Variants in ATXN7L1 observed in about 807,000 individuals in gnomAD.
ATXN7L1 encodes the protein ataxin 7 like 1, also known as ataxin-7-like protein 1.
Under a neutral mutation model 70.8 loss-of-function variants are expected in ATXN7L1, and 15 were observed. That is an observed-to-expected ratio of 0.21 (90% CI 0.14 to 0.33). ATXN7L1 has a LOEUF of 0.33. Among genes scored for constraint, ATXN7L1 ranks in the 10% least tolerant of loss-of-function variants. The probability of loss-of-function intolerance (pLI) is 1.00; values close to 1 mark genes in which losing one functional copy is unlikely to be tolerated. For missense variants in ATXN7L1, 975 were observed against 1,097.1 expected (o/e 0.89, Z 1.57); for synonymous variants, 440 against 445.1 (o/e 0.99, Z 0.14).
intron 2 of ATXN7L1, among the ~76,000 whole-genome samples, chr7:105,845,131 G>A (rs1174037800): frequency 6.8e-6 from 1 of 147,690 alleles, no homozygotes. Flanking sequence ...CTTGAACCTG[G>A]GAGGCGGAGG....
chr7:105,650,568 T>C (rs1799682801), intron 4 of ATXN7L1, among the ~76,000 whole-genome samples: 1 of 152,014 alleles, frequency 6.6e-6, no homozygotes, highest in Non-Finnish European at 1.5e-5. Flanking sequence ...ACCAGGTGAG[T>C]GGTCCTGGCA....
chr7:105,655,275 C>T (rs1333800591), intron 4 of ATXN7L1, among the ~76,000 whole-genome samples: 2 of 152,306 alleles, frequency 1.3e-5, no homozygotes, highest in East Asian at 1.9e-4. Flanking sequence ...TGCCCCCAGC[C>T]GCAGCCCCCA....
chr7:105,845,459 G>C (rs1196397540), intron 2 of ATXN7L1, among the ~76,000 whole-genome samples: 1 of 130,810 alleles, frequency 7.6e-6, no homozygotes, highest in Non-Finnish European at 1.7e-5. Flanking sequence ...TGCTAAGATG[G>C]TTTGCATTCT....
At chr7:105,785,433 TACAGTCTGGATG>T (rs1240304089) in intron 3 of ATXN7L1, among the ~76,000 whole-genome samples, 2 of 152,006 alleles carry the variant, frequency 1.3e-5, no homozygotes, top group Non-Finnish European at 2.9e-5. Context: ...ACCACTGCAC[TACAGTCTGGATG>T]ACAGTCTGAC....
At chr7:105,752,834 C>T (rs1358282494) in intron 3 of ATXN7L1, among the ~76,000 whole-genome samples, 3 of 152,268 alleles carry the variant, frequency 2.0e-5, no homozygotes, top group Non-Finnish European at 2.9e-5. Context: ...ACACAGTGGC[C>T]GCACCCTGAA....
At chr7:105,662,487 T>C (rs540919559) in intron 4 of ATXN7L1, among the ~76,000 whole-genome samples, 5 of 152,228 alleles carry the variant, frequency 3.3e-5, no homozygotes, top group Admixed American at 6.5e-5. Context: ...TTGGACTGGA[T>C]TGAGTGTGGA....
chr7:105,665,372 A>G, intron 3 of ATXN7L1, 84 bp from the exon 4 acceptor site: 2 of 1,141,044 alleles, frequency 1.8e-6, no homozygotes, highest in Non-Finnish European at 1.3e-6. Context: ...CAAACACACA[A>G]CAGGCGGAGA....
intron 7 of ATXN7L1, among the ~76,000 whole-genome samples, chr7:105,631,658 G>T (rs183170901): frequency 6.6e-5 from 10 of 152,310 alleles, no homozygotes; most frequent in Non-Finnish European, 1.3e-4. Flanking sequence ...GTAGAAGCAG[G>T]GTTTCACCAT....
At chr7:105,713,617 A>G (rs991335498) in intron 3 of ATXN7L1, among the ~76,000 whole-genome samples, 25 of 152,278 alleles carry the variant, frequency 1.6e-4, no homozygotes, top group African/African-American at 6.0e-4. Flanking sequence ...TATAGCAGGC[A>G]CAGTGGCAAT....
intron 3 of ATXN7L1, chr7:105,761,451 T>C (rs1438773035): frequency 1.2e-6 from 2 of 1,614,154 alleles, no homozygotes; most frequent in Non-Finnish European, 1.7e-6. Context: ...TCTCCTGTTG[T>C]CTTGCTTTCT....
chr7:105,744,891 C>T (rs1039725874), intron 3 of ATXN7L1, among the ~76,000 whole-genome samples: 2 of 151,918 alleles, frequency 1.3e-5, no homozygotes, highest in African/African-American at 4.8e-5. Flanking sequence ...GCGCCCACCA[C>T]CACGCCCAGC....
intron 3 of ATXN7L1, among the ~76,000 whole-genome samples, chr7:105,755,001 G>A (rs1486705059): frequency 6.6e-6 from 1 of 152,132 alleles, no homozygotes; most frequent in Non-Finnish European, 1.5e-5. Flanking sequence ...TGGGATTCCA[G>A]ATATAAGCTG....
chr7:105,689,031 C>T (rs1372369859), intron 3 of ATXN7L1, among the ~76,000 whole-genome samples: 1 of 152,180 alleles, frequency 6.6e-6, no homozygotes, highest in Non-Finnish European at 1.5e-5. Flanking sequence ...AGCAGACTCC[C>T]AAAGGTTTGA....
At position 105,835,435 on chromosome 7, in the gene ATXN7L1, G is replaced by A. The variant is rs556116867; in HGVS notation, c.250+40377C>T. 4.0e-4 allele frequency among the ~76,000 whole-genome samples: 40 copies of A among 100,996 alleles called. No homozygotes were observed. The East Asian group carries it at 7.5e-3, about 19-fold the overall frequency. 66.3% of individuals were successfully genotyped at this position (100,996 alleles called of 152,430 possible). A position where few individuals can be genotyped will look rare whatever the true frequency, so the allele number is the denominator to read the frequency against. ...CTCCCAAAGTGTTGGGATTACAGGC[G>A]TGAGCCAGTGTCCAGCCTTAATTGT... is the stretch of plus-strand genomic sequence containing the variant. On this transcript the variant is annotated intron_variant, in intron 2 of 11. Transcript: ENST00000419735.
chr7:105,835,148 GGT>G (rs1491535588), intron 2 of ATXN7L1, among the ~76,000 whole-genome samples: 4 of 85,026 alleles, frequency 4.7e-5, no homozygotes, highest in African/African-American at 1.0e-4. Flanking sequence ...ATAAGTGTGT[GGT>G]TTTTTTTTTT....
At chr7:105,641,214 C>CTTTTTTTTTT (rs561100060) in intron 5 of ATXN7L1, among the ~76,000 whole-genome samples, 28 of 21,780 alleles carry the variant, frequency 1.3e-3, no homozygotes, top group South Asian at 5.5e-3. Flanking sequence ...CTCTCTCTCT[C>CTTTTTTTTTT]TTTTTTTTTT....
intron 3 of ATXN7L1, among the ~76,000 whole-genome samples, chr7:105,687,711 G>C (rs1584729370): frequency 6.6e-6 from 1 of 152,158 alleles, no homozygotes; most frequent in African/African-American, 2.4e-5. Context: ...ACTAGATCAG[G>C]GAGAAAAAGT....
At chr7:105,813,798 C>T (rs867263402) in intron 2 of ATXN7L1, among the ~76,000 whole-genome samples, 6 of 152,234 alleles carry the variant, frequency 3.9e-5, no homozygotes, top group Admixed American at 6.5e-5. Context: ...TTACCAAAAG[C>T]AATTCTATCT....
chr7:105,834,540 C>A (rs1291687603), intron 2 of ATXN7L1, among the ~76,000 whole-genome samples: 1 of 152,128 alleles, frequency 6.6e-6, no homozygotes, highest in Non-Finnish European at 1.5e-5. Context: ...AGTTTATGTG[C>A]CCAGAAATGC....
Sources: gnomAD v4.1 joint callset for allele counts (sites outside exome capture counted in the v4.1 genomes callset) on GRCh38, gnomAD v4.1.1 for gene constraint, MANE v1.5 for transcripts, NCBI Gene and HGNC (gene_info 2026-07-23, HGNC 2026-07-21) for gene names.